Variants in CRACDL observed in about 807,000 individuals in gnomAD.
CRACDL encodes CRACD like.
Under a neutral mutation model 70.6 loss-of-function variants are expected in CRACDL, and 26 were observed. The ratio of observed to expected loss-of-function variants is 0.37; its 90% CI spans 0.27 to 0.51. The LOEUF is 0.51. CRACDL is among the 20% of genes least tolerant of loss of function. The pLI, the probability that CRACDL is intolerant of heterozygous loss-of-function variation, is 0.94. For synonymous variants in CRACDL, 618 were observed against 615.2 expected (o/e 1.00, Z -0.07); for missense variants, 1,283 against 1,376.9 (o/e 0.93, Z 1.08).
At chr2:98,803,374 A>G (rs72958645) in intron 7 of CRACDL, among the ~76,000 whole-genome samples, 3 of 152,038 alleles carry the variant, frequency 2.0e-5, no homozygotes, top group East Asian at 1.9e-4. Context: ...CTGGTCTCCA[A>G]TGATCTTCTC....
chr2:98,908,882 A>G (rs1000800938), intron 1 of CRACDL, among the ~76,000 whole-genome samples: 1 of 152,218 alleles, frequency 6.6e-6, no homozygotes, highest in African/African-American at 2.4e-5. Context: ...GTTTTCTCTC[A>G]GCCTAGCCAG....
intron 5 of CRACDL, among the ~76,000 whole-genome samples, chr2:98,830,917 G>A (rs767192141): frequency 6.6e-5 from 10 of 152,188 alleles, no homozygotes; most frequent in African/African-American, 1.4e-4. Context: ...GGAGGAGGGG[G>A]AGTCCATCTA....
At chr2:98,835,884 G>A (rs941480388) in intron 3 of CRACDL, among the ~76,000 whole-genome samples, 1 of 152,222 alleles carries the variant, frequency 6.6e-6, no homozygotes, top group Non-Finnish European at 1.5e-5. Context: ...GTGAAGGTTG[G>A]TGGAGGGACG....
intron 1 of CRACDL, among the ~76,000 whole-genome samples, chr2:98,853,950 C>T (rs1487993166): frequency 6.6e-6 from 1 of 151,922 alleles, no homozygotes; most frequent in African/African-American, 2.4e-5. Context: ...CCAAAAAAGG[C>T]AGAACAGAGG....
rs540539770 is a variant in CRACDL, at chr2:98,799,516, C to T, written c.2417-1979G>A. Among the ~76,000 whole-genome samples, 5 of 152,310 alleles carry T rather than the reference C, an allele frequency of 3.3e-5. No individual in the cohort carries two copies. In the East Asian group the frequency reaches 7.7e-4, roughly 24 times the overall value. Reference sequence around the variant, plus strand: ...GACTGGCCCCCTGGGAATCCTGCTGCACCTCTTGGACTCATCCTACCCCTT... The same window carrying T: ...GACTGGCCCCCTGGGAATCCTGCTGTACCTCTTGGACTCATCCTACCCCTT... On this transcript the variant is annotated intron_variant, in intron 7 of 9. Coordinates refer to ENST00000397899, the MANE Select transcript of CRACDL (RefSeq NM_207362.3).
At chr2:98,816,196 C>T (rs1016454118) in intron 7 of CRACDL, among the ~76,000 whole-genome samples, 9 of 152,330 alleles carry the variant, frequency 5.9e-5, no homozygotes, top group Middle Eastern at 3.4e-3. Flanking sequence ...TCTATCTCCT[C>T]AGGCTACCAG....
intron 1 of CRACDL, among the ~76,000 whole-genome samples, chr2:98,881,338 C>T (rs865917937): frequency 2.6e-5 from 4 of 152,318 alleles, no homozygotes; most frequent in Middle Eastern, 6.8e-3. Flanking sequence ...TCCCCGCAGA[C>T]TGGGGAATCT....
intron 1 of CRACDL, among the ~76,000 whole-genome samples, chr2:98,896,870 T>C (rs778129387): frequency 6.6e-6 from 1 of 152,074 alleles, no homozygotes; most frequent in Non-Finnish European, 1.5e-5. Flanking sequence ...CAGCCAGAAA[T>C]AGAAACTAAG....
rs1207664528 is a variant in CRACDL at position 98,822,334 on chromosome 2, G to A, written c.1939C>T (p.Pro647Ser). ...TGAGGGCTCTTGCGCGGCCCGGCCG[G>A]GCTGGCCGCCCTGTCCCCCGAGTCC... The part of the protein sequence containing the change: ...PQDSGDRAAS[P>S]AGPRKSPQEA... The change falls in exon 7 of 10, where the codon CCG becomes TCG. Residue 647 changes from proline (P) to serine (S), a missense_variant. Pro to Ser is a moderately conservative substitution (Grantham distance 74, BLOSUM62 -1). Around this residue, in one of 2 missense-constraint regions of CRACDL, gnomAD observed 921 missense variants for 881.9 expected, o/e 1.04. Coordinates refer to ENST00000397899, the MANE Select transcript of CRACDL (RefSeq NM_207362.3). The surrounding 1 kb of genome is among the most constrained non-coding windows in gnomAD (Gnocchi z 4.9). 2 of 1,458,292 alleles carry A rather than the reference G, an allele frequency of 1.4e-6. No individual in the cohort carries two copies. The highest frequency in any genetic ancestry group is 1.8e-6 in the Non-Finnish European group (2 of 1,116,946). The allele number at this position is 1,458,292 out of a possible 1,614,324, so 90.3% of individuals were successfully genotyped here. A position where few individuals can be genotyped will look rare whatever the true frequency, so the allele number is the denominator to read the frequency against.
At chr2:98,817,714 A>G (rs1575340800) in intron 7 of CRACDL, among the ~76,000 whole-genome samples, 1 of 152,340 alleles carries the variant, frequency 6.6e-6, no homozygotes, top group South Asian at 2.1e-4. Context: ...TGTTGAAAAA[A>G]AGAATGCATG....
intron 1 of CRACDL, among the ~76,000 whole-genome samples, chr2:98,873,418 C>A (rs764201440): frequency 5.9e-5 from 9 of 152,220 alleles, no homozygotes; most frequent in Non-Finnish European, 8.8e-5. Flanking sequence ...CACAGCTTCC[C>A]TTCTGGGCTC....
intron 7 of CRACDL, 80 bp from the exon 8 acceptor site, chr2:98,797,617 A>G: frequency 7.4e-7 from 1 of 1,357,298 alleles, no homozygotes; most frequent in Admixed American, 1.8e-5. Context: ...TGCACAGAGA[A>G]CACTACTGCT....
intron 1 of CRACDL, among the ~76,000 whole-genome samples, chr2:98,848,012 T>G (rs933743785): frequency 8.5e-5 from 13 of 152,310 alleles, no homozygotes; most frequent in African/African-American, 2.9e-4. Flanking sequence ...TTCATACAAT[T>G]TGGCTTCAAA....
intron 6 of CRACDL, among the ~76,000 whole-genome samples, chr2:98,826,575 G>A: frequency 6.6e-6 from 1 of 152,174 alleles, no homozygotes; most frequent in East Asian, 1.9e-4. Flanking sequence ...GAGGCTAGAG[G>A]CAGCTCTTGA....
chr2:98,832,098 G>C (rs1257898268), intron 5 of CRACDL, among the ~76,000 whole-genome samples: 1 of 152,122 alleles, frequency 6.6e-6, no homozygotes, highest in African/African-American at 2.4e-5. Flanking sequence ...TTGATTCTGG[G>C]TTGATTCTAT....
intron 1 of CRACDL, among the ~76,000 whole-genome samples, chr2:98,867,347 A>G (rs2104588564): frequency 6.6e-6 from 1 of 152,340 alleles, no homozygotes; most frequent in African/African-American, 2.4e-5. Flanking sequence ...TGTATACTCT[A>G]TATATGCACA....
chr2:98,912,487 G>A (rs532224686), intron 1 of CRACDL, among the ~76,000 whole-genome samples: 4 of 152,338 alleles, frequency 2.6e-5, no homozygotes, highest in Admixed American at 2.0e-4. Context: ...CACCAGCTGC[G>A]GCTTTGCAAG....
intron 7 of CRACDL, among the ~76,000 whole-genome samples, chr2:98,798,323 C>T (rs963316419): frequency 6.6e-6 from 1 of 151,940 alleles, no homozygotes; most frequent in Non-Finnish European, 1.5e-5. Context: ...CCAGCCTGGA[C>T]AAGAGTGACA....
chr2:98,822,954 T>C lies in CRACDL; in HGVS notation c.1319A>G (p.Glu440Gly). 1.4e-6 allele frequency: 2 copies of C among 1,463,384 alleles called. No individual in the cohort carries two copies. The highest frequency in any genetic ancestry group is 1.8e-6 in the Non-Finnish European group (2 of 1,112,224). 90.6% of individuals were successfully genotyped at this position (1,463,384 alleles called of 1,614,324 possible). A position where few individuals can be genotyped will look rare whatever the true frequency, so the allele number is the denominator to read the frequency against. ...ATCCGGGAGCACGGGCGGCGTCGGCTCCGCTTCCTTCGGGACACTGCGTTC... is the reference window on the plus strand; with the variant it reads ...ATCCGGGAGCACGGGCGGCGTCGGCCCCGCTTCCTTCGGGACACTGCGTTC... The part of the protein sequence containing the change: ...GPERSVPKEA[E>G]PTPPVLPDEE... The change falls in exon 7 of 10, where the codon GAG becomes GGG. Residue 440 changes from glutamate to glycine, a missense_variant. Transcript: ENST00000397899. This position sits in a 1 kb window ranked among gnomAD's most constrained non-coding sequence, Gnocchi z 4.9.
Sources: gnomAD v4.1 joint callset for allele counts (sites outside exome capture counted in the v4.1 genomes callset) on GRCh38, gnomAD v4.1.1 for gene constraint, gnomAD v4.1.1 regional missense constraint, Gnocchi (gnomAD v3.1) non-coding constraint, MANE v1.5 for transcripts, NCBI Gene and HGNC (gene_info 2026-07-23, HGNC 2026-07-21) for gene names.